The following CDK14 variants were observed in gnomAD, a reference collection of about 807,000 sequenced individuals.
CDK14 encodes the protein cyclin dependent kinase 14, also known as cyclin-dependent kinase 14.
A neutral mutation model predicts 60.7 loss-of-function variants in CDK14; 34 were observed. That is an observed-to-expected ratio of 0.56 (90% CI 0.43 to 0.75). The LOEUF (loss-of-function observed/expected upper bound fraction) is 0.75, where lower values mean the gene tolerates loss of function less well. Among genes scored for constraint, CDK14 ranks in the 30% least tolerant of loss-of-function variants. The pLI is 0.00. For missense variants in CDK14, 482 were observed against 564.1 expected (o/e 0.85, Z 1.47); for synonymous variants, 197 against 203.7 (o/e 0.97, Z 0.28).
At chr7:91,198,413 G>A (rs1802618895) in intron 14 of CDK14, among the ~76,000 whole-genome samples, 1 of 152,188 alleles carries the variant, frequency 6.6e-6, no homozygotes, top group Non-Finnish European at 1.5e-5. Flanking sequence ...TTGGATGCAA[G>A]GGCAAAATGC....
intron 2 of CDK14, among the ~76,000 whole-genome samples, chr7:90,699,122 A>G (rs910800124): frequency 6.6e-6 from 1 of 152,274 alleles, no homozygotes; most frequent in Non-Finnish European, 1.5e-5. Context: ...TGCAAAGTCA[A>G]TAGAAACAGG....
At chr7:90,948,771 A>G (rs1794170893) in intron 8 of CDK14, among the ~76,000 whole-genome samples, 2 of 152,270 alleles carry the variant, frequency 1.3e-5, no homozygotes, top group African/African-American at 4.8e-5. Context: ...TCATACACAT[A>G]GTGAAACCAA....
intron 4 of CDK14, among the ~76,000 whole-genome samples, chr7:90,770,500 T>C (rs905449565): frequency 3.3e-5 from 5 of 152,224 alleles, no homozygotes; most frequent in African/African-American, 1.2e-4. Context: ...GGTTCTTAAT[T>C]ATCTTCATTC....
chr7:91,091,356 TTATA>T (rs1220761633), intron 12 of CDK14, among the ~76,000 whole-genome samples: 4 of 145,006 alleles, frequency 2.8e-5, no homozygotes, highest in African/African-American at 7.6e-5. Flanking sequence ...TGTATATAAA[TTATA>T]TATACATATA....
At chr7:91,138,715 T>G (rs1443441802) in intron 14 of CDK14, among the ~76,000 whole-genome samples, 2 of 152,174 alleles carry the variant, frequency 1.3e-5, no homozygotes, top group African/African-American at 4.8e-5. Flanking sequence ...GATTGTTAAA[T>G]GTATTGTCAT....
At chr7:90,932,839 T>C (rs1584138943) in intron 8 of CDK14, among the ~76,000 whole-genome samples, 1 of 152,276 alleles carries the variant, frequency 6.6e-6, no homozygotes, top group East Asian at 1.9e-4. Flanking sequence ...TGAGCTCACA[T>C]GGCTGTTGGC....
intron 6 of CDK14, among the ~76,000 whole-genome samples, chr7:90,867,101 C>A (rs2117234479): frequency 6.6e-6 from 1 of 152,224 alleles, no homozygotes; most frequent in East Asian, 1.9e-4. Context: ...GTAAGACAGA[C>A]CCAGGCAGTT....
At chr7:90,700,629 G>A (rs1316906927) in intron 2 of CDK14, among the ~76,000 whole-genome samples, 1 of 152,116 alleles carries the variant, frequency 6.6e-6, no homozygotes, top group East Asian at 1.9e-4. Flanking sequence ...TAACTCTGGT[G>A]CTAAGAGTGA....
At chr7:91,190,063 A>C (rs949730769) in intron 14 of CDK14, among the ~76,000 whole-genome samples, 1 of 152,232 alleles carries the variant, frequency 6.6e-6, no homozygotes, top group Admixed American at 6.5e-5. Flanking sequence ...CTTATGATCC[A>C]AAATAGACAT....
chr7:90,774,295 A>G (rs1364826323), intron 4 of CDK14, among the ~76,000 whole-genome samples: 4 of 152,212 alleles, frequency 2.6e-5, no homozygotes, highest in Non-Finnish European at 4.4e-5. Flanking sequence ...ATGAAGTAAT[A>G]TAAAACCTGA....
rs78133551 is a variant in CDK14, at chr7:90,714,052, A to G, written c.124-12515A>G. On this transcript the variant is annotated intron_variant, in intron 2 of 14. Transcript: ENST00000380050. ...CCTTGATTTCCATCTCTTTTCTATCAGCTGCATTATATCTTGCCCAAGATC... is the reference window on the plus strand; with the variant it reads ...CCTTGATTTCCATCTCTTTTCTATCGGCTGCATTATATCTTGCCCAAGATC... Among the ~76,000 whole-genome samples, 2,362 of 152,108 alleles carry G rather than the reference A, an allele frequency of 0.016. 136 individuals are homozygous for G. In the East Asian group the frequency reaches 0.18, roughly 12 times the overall value.
chr7:91,154,580 T>G (rs186629837), intron 14 of CDK14, among the ~76,000 whole-genome samples: 1 of 152,184 alleles, frequency 6.6e-6, no homozygotes, highest in Non-Finnish European at 1.5e-5. Context: ...AGAGAAATTC[T>G]GTGAGAAGCA....
intron 14 of CDK14, among the ~76,000 whole-genome samples, chr7:91,187,446 AT>A (rs1802225220): frequency 6.6e-6 from 1 of 152,150 alleles, no homozygotes; most frequent in African/African-American, 2.4e-5. Context: ...TATCACTTTT[AT>A]TTGTTAAGAA....
At chr7:91,165,766 C>G (rs903810157) in intron 14 of CDK14, among the ~76,000 whole-genome samples, 8 of 152,162 alleles carry the variant, frequency 5.3e-5, no homozygotes, top group Non-Finnish European at 5.9e-5. Context: ...TTTTAAATGT[C>G]AAACCCTCTG....
chr7:90,664,430 C>T lies in CDK14; in HGVS notation c.123+60181C>T, dbSNP rs1035273202. ...GAAATACCATTTGACCCAGCCATCC[C>T]ATTACTGGGTATATACCCAAAGGAT... On this transcript the variant is annotated intron_variant, in intron 2 of 14. Coordinates refer to ENST00000380050, the MANE Select transcript of CDK14 (RefSeq NM_001287135.2). 2.2e-4 allele frequency among the ~76,000 whole-genome samples: 34 copies of T among 152,128 alleles called. 1 individual carries two copies. The highest frequency in any genetic ancestry group is 8.2e-4 in the African/African-American group (34 of 41,410).
chr7:90,932,475 G>T (rs1365348628), intron 8 of CDK14, among the ~76,000 whole-genome samples: 1 of 152,124 alleles, frequency 6.6e-6, no homozygotes, highest in Non-Finnish European at 1.5e-5. Flanking sequence ...TCTCCCCCCA[G>T]CCAGTAGAAT....
At chr7:90,717,421 A>G (rs1304105527) in intron 2 of CDK14, among the ~76,000 whole-genome samples, 1 of 152,114 alleles carries the variant, frequency 6.6e-6, no homozygotes, top group African/African-American at 2.4e-5. Context: ...TAAGGGATGT[A>G]ACAAAACTAC....
chr7:90,635,831 C>T (rs1800131734), intron 2 of CDK14, among the ~76,000 whole-genome samples: 1 of 151,802 alleles, frequency 6.6e-6, no homozygotes, highest in Admixed American at 6.6e-5. Context: ...TTGTAGTTCT[C>T]CTTGAAGAGG....
At chr7:91,185,498 C>T (rs1289105605) in intron 14 of CDK14, among the ~76,000 whole-genome samples, 1 of 151,950 alleles carries the variant, frequency 6.6e-6, no homozygotes, top group Non-Finnish European at 1.5e-5. Context: ...AACTACTTTC[C>T]ATTAGTACAT....
Sources: allele counts gnomAD v4.1 joint callset (sites outside exome capture counted in the v4.1 genomes callset), GRCh38; gene constraint gnomAD v4.1.1; transcripts MANE v1.5; gene names NCBI Gene and HGNC (gene_info 2026-07-23, HGNC 2026-07-21).